The following NBAS variants were observed in gnomAD, a reference collection of about 807,000 sequenced individuals.
NBAS encodes the protein NBAS subunit of NRZ tethering complex.
NBAS carries 219 observed loss-of-function variants against 302.5 expected under a neutral mutation model. That is an observed-to-expected ratio of 0.72 (90% CI 0.65 to 0.81). The LOEUF is 0.81. Among genes scored for constraint, NBAS ranks in the 30% least tolerant of loss-of-function variants. NBAS has a pLI of 0.00. For synonymous variants in NBAS, 1,118 were observed against 1,021.6 expected, an observed-to-expected ratio of 1.09 and a Z score of -1.80; for missense variants, 2,932 against 2,841.6, an observed-to-expected ratio of 1.03 and a Z score of -0.72.
At chr2:15,227,389 G>A (rs1027264531) in intron 47 of NBAS, among the ~76,000 whole-genome samples, 12 of 152,052 alleles carry the variant, frequency 7.9e-5, no homozygotes, top group African/African-American at 2.9e-4. Flanking sequence ...CCATGTTCAT[G>A]GATTAGAAGA....
At chr2:15,023,268 C>G in the NBAS span, among the ~76,000 whole-genome samples, 4 of 152,024 alleles carry the variant, frequency 2.6e-5, no homozygotes, top group Non-Finnish European at 5.9e-5. Flanking sequence ...TTATAGTATT[C>G]TATGGTATGT....
At chr2:15,044,076 C>T in the NBAS span, among the ~76,000 whole-genome samples, 3 of 152,076 alleles carry the variant, frequency 2.0e-5, no homozygotes, top group Non-Finnish European at 4.4e-5. Flanking sequence ...AACAAATTTT[C>T]ACATGGACTT....
the NBAS span, among the ~76,000 whole-genome samples, chr2:14,781,381 G>T: frequency 1.3e-5 from 2 of 151,928 alleles, no homozygotes; most frequent in Non-Finnish European, 2.9e-5. Context: ...TTTTAATGAC[G>T]GTTTTATGCC....
intron 32 of NBAS, among the ~76,000 whole-genome samples, chr2:15,362,944 C>CA (rs1209318566): frequency 6.6e-6 from 1 of 152,022 alleles, no homozygotes; most frequent in Non-Finnish European, 1.5e-5. Context: ...GAGATGGGGC[C>CA]AGGCGCAGTG....
chr2:15,188,311 T>C (rs1455657992), intron 49 of NBAS, among the ~76,000 whole-genome samples: 1 of 152,250 alleles, frequency 6.6e-6, no homozygotes, highest in Non-Finnish European at 1.5e-5. Flanking sequence ...GTAACCTTTT[T>C]GTGTTGATGG....
At chr2:15,530,720 T>A (rs558457400) in intron 9 of NBAS, among the ~76,000 whole-genome samples, 1 of 124,144 alleles carries the variant, frequency 8.1e-6, no homozygotes, top group East Asian at 2.0e-4. Flanking sequence ...TAACAGAAAT[T>A]CCAGAGAATT....
Position 15,417,703 on chromosome 2 carries a change from C to T in NBAS, c.2587G>A (p.Ala863Thr). 3 of 1,613,766 alleles carry T rather than the reference C, an allele frequency of 1.9e-6. No individual in the cohort carries two copies. The highest frequency in any genetic ancestry group is 1.7e-6 in the Non-Finnish European group (2 of 1,179,808). The change falls in exon 24 of 52, where the codon GCA (alanine) becomes ACA (threonine). Residue 863 changes from alanine (A) to threonine (T), a missense_variant. Coordinates refer to ENST00000281513, the MANE Select transcript of NBAS (RefSeq NM_015909.4). ...IEHYARQVDC[A>T]LSLIRLGMER... ...ATCCCAAGTCGAATAAGTGACAATG[C>T]ACAGTCCACCTAAAATTGAAAAGCA...
At chr2:15,366,810 G>A in intron 31 of NBAS, 117 bp from the exon 32 acceptor site, 2 of 889,262 alleles carry the variant, frequency 2.2e-6, no homozygotes, top group Non-Finnish European at 3.7e-6. Flanking sequence ...ATCAGATGAA[G>A]GAGAATTAAG....
At chr2:14,847,608 A>T in the NBAS span, among the ~76,000 whole-genome samples, 3 of 152,084 alleles carry the variant, frequency 2.0e-5, no homozygotes, top group African/African-American at 7.2e-5. Flanking sequence ...ATATATATGC[A>T]CCCAACACTG....
chr2:15,123,350 T>C, the NBAS span, among the ~76,000 whole-genome samples: 1 of 152,214 alleles, frequency 6.6e-6, no homozygotes, highest in East Asian at 1.9e-4. Context: ...TCGGAGCTCG[T>C]CATAGGTTGG....
the NBAS span, among the ~76,000 whole-genome samples, chr2:15,095,307 G>A: frequency 6.6e-6 from 1 of 152,194 alleles, no homozygotes; most frequent in African/African-American, 2.4e-5. Flanking sequence ...TGGACTCACA[G>A]TTCCACGTGC....
the NBAS span, among the ~76,000 whole-genome samples, chr2:15,121,896 T>C: frequency 7.9e-5 from 12 of 152,208 alleles, no homozygotes; most frequent in Non-Finnish European, 1.5e-4. Flanking sequence ...TATTGAATTA[T>C]GTTTTACTTA....
At chr2:15,022,945 A>AT in the NBAS span, among the ~76,000 whole-genome samples, 26 of 149,518 alleles carry the variant, frequency 1.7e-4, no homozygotes, top group Middle Eastern at 3.4e-3. Context: ...GTTTTTTTTT[A>AT]TTTTTTTTTG....
the NBAS span, among the ~76,000 whole-genome samples, chr2:15,145,270 G>C: frequency 6.6e-6 from 1 of 152,042 alleles, no homozygotes; most frequent in Non-Finnish European, 1.5e-5. Flanking sequence ...ACTAGATTTT[G>C]AGTGGCTTGC....
chr2:15,301,965 G>A (rs1670820119), intron 40 of NBAS, among the ~76,000 whole-genome samples: 1 of 152,216 alleles, frequency 6.6e-6, no homozygotes, highest in African/African-American at 2.4e-5. Flanking sequence ...TGGAGAGGAG[G>A]ATGTCTACAC....
intron 43 of NBAS, 31 bp from the exon 44 acceptor site, chr2:15,275,849 G>A (rs1669558816): frequency 6.3e-7 from 1 of 1,583,180 alleles, no homozygotes; most frequent in Non-Finnish European, 8.6e-7. Context: ...GTAGGTAAGT[G>A]GTTCATTCCA....
chr2:15,455,855 A>G (rs2148548224), intron 21 of NBAS, among the ~76,000 whole-genome samples: 2 of 151,972 alleles, frequency 1.3e-5, no homozygotes, highest in Middle Eastern at 3.4e-3. Flanking sequence ...TCACTCAGGA[A>G]ATATTTTTAA....
At chr2:15,054,575 C>A in the NBAS span, among the ~76,000 whole-genome samples, 1 of 152,168 alleles carries the variant, frequency 6.6e-6, no homozygotes, top group Admixed American at 6.5e-5. Context: ...AACTCCATAA[C>A]GTTATGGTTT....
intron 9 of NBAS, among the ~76,000 whole-genome samples, chr2:15,516,294 T>C (rs763709736): frequency 1.3e-5 from 2 of 152,122 alleles, no homozygotes; most frequent in African/African-American, 2.4e-5. Flanking sequence ...AGAAAATAAG[T>C]TCTAAGAAGA....
Sources: gnomAD v4.1 joint callset for allele counts (sites outside exome capture counted in the v4.1 genomes callset) on GRCh38, gnomAD v4.1.1 for gene constraint, MANE v1.5 for transcripts, NCBI Gene and HGNC (gene_info 2026-07-23, HGNC 2026-07-21) for gene names.